ARRB1: variants seen among roughly 807,000 people sequenced by gnomAD.
The protein encoded by ARRB1 is arrestin beta 1, also known as beta-arrestin-1.
ARRB1 carries 21 observed loss-of-function variants against 56.8 expected under a neutral mutation model. The observed-to-expected ratio is 0.37, with a 90% CI of 0.26 to 0.53. ARRB1 has a LOEUF of 0.53. ARRB1 is among the 20% of genes least tolerant of loss of function. The pLI is 0.88. For synonymous variants in ARRB1, 210 were observed against 218.6 expected, an observed-to-expected ratio of 0.96 and a Z score of 0.35; for missense variants, 424 against 553.7, an observed-to-expected ratio of 0.77 and a Z score of 2.35.
At chr11:75,336,983 G>C (rs1351680191) in intron 1 of ARRB1, among the ~76,000 whole-genome samples, 1 of 152,246 alleles carries the variant, frequency 6.6e-6, no homozygotes. Context: ...ACATTATGGA[G>C]ATAGAAAAAG....
At chr11:75,275,995 G>A (rs971584307) in intron 10 of ARRB1, among the ~76,000 whole-genome samples, 6 of 152,092 alleles carry the variant, frequency 3.9e-5, no homozygotes, top group African/African-American at 1.4e-4. Context: ...AAAATCAACA[G>A]TGGATATGAA....
chr11:75,267,791 A>G, intron 14 of ARRB1, 88 bp from the exon 15 acceptor site: 1 of 1,128,926 alleles, frequency 8.9e-7, no homozygotes, highest in Non-Finnish European at 1.3e-6. Flanking sequence ...ACCCTGGGAC[A>G]ACCAGACTAA....
chr11:75,342,244 C>G (rs961336229), intron 1 of ARRB1, among the ~76,000 whole-genome samples: 2 of 152,174 alleles, frequency 1.3e-5, no homozygotes, highest in African/African-American at 4.8e-5. Flanking sequence ...TCTGCACTTC[C>G]TGCTTCCCTC....
intron 1 of ARRB1, among the ~76,000 whole-genome samples, chr11:75,310,958 C>T (rs1947142416): frequency 6.6e-6 from 1 of 152,180 alleles, no homozygotes; most frequent in African/African-American, 2.4e-5. Flanking sequence ...GGGTCTGTTA[C>T]AAATGTACTG....
rs1275871624 is a variant in ARRB1 at position 75,351,582 on chromosome 11, A to G, written c.20+6T>C. Reference sequence around the variant, plus strand: ...GCCCCCCGCCGGGCGGCCGCCCTGCACTCACCGGGTCCCTTTGTCGCCCAT... The same window carrying G: ...GCCCCCCGCCGGGCGGCCGCCCTGCGCTCACCGGGTCCCTTTGTCGCCCAT... On this transcript the variant is annotated splice_donor_region_variant and intron_variant, in intron 1 of 15. Coordinates refer to ENST00000420843, the MANE Select transcript of ARRB1 (RefSeq NM_004041.5). The G allele has an allele frequency of 1.3e-6, 2 of 1,484,856 alleles. No individual in the cohort carries two copies. Among genetic ancestry groups the G allele is most frequent in the East Asian group, 2.9e-5 (1 of 34,506 alleles). 92.0% of individuals were successfully genotyped at this position (1,484,856 alleles called of 1,614,324 possible). A position where few individuals can be genotyped will look rare whatever the true frequency, so the allele number is the denominator to read the frequency against.
intron 1 of ARRB1, among the ~76,000 whole-genome samples, chr11:75,340,244 C>G (rs543197178): frequency 1.3e-5 from 2 of 152,242 alleles, no homozygotes; most frequent in Admixed American, 6.5e-5. Context: ...GAGGCTTCCC[C>G]GCTTTGCAGC....
intron 13 of ARRB1, chr11:75,271,237 G>A (rs1179937681): frequency 6.5e-6 from 1 of 154,204 alleles, no homozygotes; most frequent in East Asian, 1.9e-4. Context: ...AAACTGCTGT[G>A]TTTGGGGTAC....
chr11:75,306,803 G>T, intron 1 of ARRB1: 1 of 603,920 alleles, frequency 1.7e-6, no homozygotes, highest in Non-Finnish European at 2.5e-6. Context: ...CTCGGGCCAT[G>T]GAGGGCGGAT....
In ARRB1 at chr11:75,265,458, C is replaced by G. The variant is rs1330770624; in HGVS notation, c.*705G>C. The G allele has an allele frequency of 6.6e-6, 1 of 152,292 alleles. No homozygotes were observed. The highest frequency in any genetic ancestry group is 1.5e-5 in the Non-Finnish European group (1 of 68,188). The allele number at this position is 152,292 out of a possible 1,614,324, so 9.4% of individuals were successfully genotyped here. On this transcript the variant is annotated 3_prime_UTR_variant, in exon 16 of 16. Coordinates refer to ENST00000420843, the MANE Select transcript of ARRB1 (RefSeq NM_004041.5). ...AGGTAGCTAAGATGTCACAGCCTGA[C>G]AGTACTGAAATATACTTGGGTGAGT...
intron 7 of ARRB1, 119 bp downstream of exon 7, chr11:75,280,956 G>A (rs1946319715): frequency 8.1e-7 from 1 of 1,237,418 alleles, no homozygotes; most frequent in Non-Finnish European, 1.1e-6. Context: ...TTCCAAGGCT[G>A]GAATGTGCGC....
At position 75,329,091 on chromosome 11, in the gene ARRB1, T is replaced by C. The variant is rs1487415632; in HGVS notation, c.20+22497A>G. 3.6e-4 allele frequency among the ~76,000 whole-genome samples: 47 copies of C among 130,330 alleles called. No homozygotes were observed. In the South Asian group the frequency reaches 0.01, roughly 28 times the overall value. The allele number at this position is 130,330 out of a possible 152,430, so 85.5% of individuals were successfully genotyped here. ...ACCATTCCTTCCTGCTGTGTAACTT[T>C]TTTTTTTTTTTTTTTTTTTTGAGAC... On this transcript the variant is annotated intron_variant, in intron 1 of 15. Coordinates refer to ENST00000420843, the MANE Select transcript of ARRB1 (RefSeq NM_004041.5).
intron 1 of ARRB1, among the ~76,000 whole-genome samples, chr11:75,337,480 G>A (rs1947623960): frequency 6.6e-6 from 1 of 152,188 alleles, no homozygotes; most frequent in African/African-American, 2.4e-5. Context: ...GCAGCTCGGG[G>A]CTCACTTCCT....
intron 1 of ARRB1, among the ~76,000 whole-genome samples, chr11:75,297,684 G>A (rs1946786943): frequency 6.6e-6 from 1 of 151,698 alleles, no homozygotes; most frequent in Admixed American, 6.6e-5. Context: ...GGCCAACATG[G>A]TGAAACCCTG....
Position 75,289,981 on chromosome 11 carries a change from G to C in ARRB1, c.51+28C>G, listed in dbSNP as rs200520809. On this transcript the variant is annotated intron_variant, in intron 2 of 15. Coordinates refer to ENST00000420843, the MANE Select transcript of ARRB1 (RefSeq NM_004041.5). ...ATGACCAGAGTGTGAGGTCAGGGAG[G>C]CGCTGGGCGCAGCTGTTACAGACTC... 10 of 1,614,128 alleles carry C rather than the reference G, an allele frequency of 6.2e-6. No individual in the cohort carries two copies. In the East Asian group the frequency reaches 2.2e-4, roughly 36 times the overall value.
At chr11:75,347,627 G>C (rs1427683180) in intron 1 of ARRB1, among the ~76,000 whole-genome samples, 1 of 152,170 alleles carries the variant, frequency 6.6e-6, no homozygotes, top group Non-Finnish European at 1.5e-5. Context: ...CAAAAGCGTC[G>C]AGTAGCAGAG....
intron 1 of ARRB1, among the ~76,000 whole-genome samples, chr11:75,294,487 G>A (rs536280754): frequency 6.6e-6 from 1 of 152,120 alleles, no homozygotes; most frequent in East Asian, 1.9e-4. Flanking sequence ...AACCAGGGAG[G>A]CGGAAGTTGC....
chr11:75,294,367 G>A (rs969116552), intron 1 of ARRB1, among the ~76,000 whole-genome samples: 4 of 152,008 alleles, frequency 2.6e-5, no homozygotes, highest in African/African-American at 9.7e-5. Context: ...GACCAGCCTG[G>A]TCAACATGGT....
rs779929006 is a variant in ARRB1, at chr11:75,283,464, G to A, written c.177C>T (p.Cys59=). Residue 59 remains cysteine, a synonymous_variant, in exon 5 of 16, where the codon TGC becomes TGT. Transcript: ENST00000420843. ...GGTCCTCCCGGCCATAGCGGAAGGCGCAGGTCAGCGTCACATAGACTGTGG... is the reference window on the plus strand; with the variant it reads ...GGTCCTCCCGGCCATAGCGGAAGGCACAGGTCAGCGTCACATAGACTGTGG... The part of the protein sequence containing the change: ...KERRVYVTLT[C]AFRYGREDLD... The A allele has an allele frequency of 2.8e-5, 45 of 1,612,180 alleles. No individual in the cohort carries two copies. The East Asian group carries it at 3.1e-4, about 11-fold the overall frequency.
intron 1 of ARRB1, among the ~76,000 whole-genome samples, chr11:75,311,688 G>C (rs1020364318): frequency 6.6e-6 from 1 of 152,208 alleles, no homozygotes; most frequent in Non-Finnish European, 1.5e-5. Context: ...AAAAAAGTAA[G>C]GTCCAGTGAA....
Sources: allele counts gnomAD v4.1 joint callset (sites outside exome capture counted in the v4.1 genomes callset), GRCh38; gene constraint gnomAD v4.1.1; transcripts MANE v1.5; gene names NCBI Gene and HGNC (gene_info 2026-07-23, HGNC 2026-07-21).